The following NRG3 variants were observed in gnomAD, a reference collection of about 807,000 sequenced individuals.
NRG3 encodes the protein pro-neuregulin-3, membrane-bound isoform.
In NRG3, 31 loss-of-function variants were observed where a neutral mutation model predicts 66.9. The ratio of observed to expected loss-of-function variants is 0.46; its 90% CI spans 0.35 to 0.63. The LOEUF is 0.63. Among genes scored for constraint, NRG3 ranks in the 20% least tolerant of loss-of-function variants. NRG3 has a pLI of 0.00. For synonymous variants in NRG3, 393 were observed against 359.4 expected, an observed-to-expected ratio of 1.09 and a Z score of -1.06; for missense variants, 910 against 878.9, an observed-to-expected ratio of 1.04 and a Z score of -0.45.
chr10:82,493,535 G>C (rs1244223869), intron 2 of NRG3, among the ~76,000 whole-genome samples: 1 of 152,122 alleles, frequency 6.6e-6, no homozygotes, highest in Admixed American at 6.5e-5. Flanking sequence ...TATCACTGAT[G>C]GACATTTGGG....
intron 3 of NRG3, among the ~76,000 whole-genome samples, chr10:82,819,750 G>C (rs2061864786): frequency 6.6e-6 from 1 of 152,176 alleles, no homozygotes; most frequent in Non-Finnish European, 1.5e-5. Context: ...TCCATAAGAA[G>C]GAGAAGGTTA....
chr10:82,453,634 T>C (rs900027792), intron 2 of NRG3, among the ~76,000 whole-genome samples: 2 of 150,324 alleles, frequency 1.3e-5, no homozygotes, highest in African/African-American at 4.9e-5. Context: ...ACTATGAGAA[T>C]AGATATAGGG....
intron 6 of NRG3, among the ~76,000 whole-genome samples, chr10:82,973,148 G>A (rs1851923308): frequency 6.6e-6 from 1 of 152,054 alleles, no homozygotes; most frequent in African/African-American, 2.4e-5. Flanking sequence ...TTTCTTTTGG[G>A]GTAAAATTTT....
In NRG3 at chr10:82,532,509, C is replaced by A. The variant is rs141369368; in HGVS notation, c.953+173641C>A. ...TCTCTATATATAGTACTATATACAT[C>A]TATATGTATATAGTACTATACATAT... On this transcript the variant is annotated intron_variant, in intron 2 of 8. Transcript: ENST00000372141. Among the ~76,000 whole-genome samples, 943 of 145,908 alleles carry A rather than the reference C, an allele frequency of 6.5e-3. 9 individuals are homozygous for A. Among genetic ancestry groups the A allele is most frequent in the African/African-American group, 0.022 (879 of 40,036 alleles).
chr10:82,428,429 AT>A (rs904289229), intron 2 of NRG3, among the ~76,000 whole-genome samples: 1 of 150,688 alleles, frequency 6.6e-6, no homozygotes, highest in Non-Finnish European at 1.5e-5. Context: ...CCCCTTGTGA[AT>A]TTTTTTCCTT....
intron 3 of NRG3, among the ~76,000 whole-genome samples, chr10:82,767,305 C>T (rs968724258): frequency 2.0e-5 from 3 of 151,938 alleles, no homozygotes; most frequent in Admixed American, 6.6e-5. Flanking sequence ...GCCTGGGTTG[C>T]GTACTTCATT....
intron 1 of NRG3, among the ~76,000 whole-genome samples, chr10:81,881,655 C>G (rs756390204): frequency 1.3e-5 from 2 of 151,928 alleles, no homozygotes; most frequent in Non-Finnish European, 1.5e-5. Context: ...TGGTTGACTC[C>G]GAAAGTTTGT....
At chr10:82,182,064 C>T (rs2073457648) in intron 1 of NRG3, among the ~76,000 whole-genome samples, 1 of 151,256 alleles carries the variant, frequency 6.6e-6, no homozygotes, top group Non-Finnish European at 1.5e-5. Context: ...TAAGTATGGC[C>T]ATCCTGCTCT....
intron 2 of NRG3, among the ~76,000 whole-genome samples, chr10:82,727,765 T>C (rs1343889719): frequency 6.6e-6 from 1 of 152,070 alleles, no homozygotes; most frequent in Non-Finnish European, 1.5e-5. Context: ...ACCAATTGCT[T>C]GCACTGTGCA....
At chr10:82,188,342 A>C (rs2073932799) in intron 1 of NRG3, among the ~76,000 whole-genome samples, 2 of 152,186 alleles carry the variant, frequency 1.3e-5, no homozygotes, top group South Asian at 4.1e-4. Flanking sequence ...TAAGACCTCA[A>C]ACTATGAAAG....
chr10:82,212,983 A>G (rs1008496492), intron 1 of NRG3, among the ~76,000 whole-genome samples: 3 of 152,146 alleles, frequency 2.0e-5, no homozygotes, highest in Non-Finnish European at 4.4e-5. Context: ...GTGGATTTCT[A>G]TGGTCTTTAT....
At chr10:82,664,022 G>A (rs772019801) in intron 2 of NRG3, among the ~76,000 whole-genome samples, 7 of 152,130 alleles carry the variant, frequency 4.6e-5, no homozygotes, top group Admixed American at 1.3e-4. Flanking sequence ...TCTACTCTTT[G>A]GGGAGGCTTT....
chr10:82,852,772 G>A (rs1357055017), intron 3 of NRG3, among the ~76,000 whole-genome samples: 2 of 152,162 alleles, frequency 1.3e-5, no homozygotes, highest in South Asian at 2.1e-4. Context: ...TCACACTAAC[G>A]GGGTGCCGAG....
intron 2 of NRG3, among the ~76,000 whole-genome samples, chr10:82,714,934 G>T (rs2056886928): frequency 6.6e-6 from 1 of 152,044 alleles, no homozygotes; most frequent in South Asian, 2.1e-4. Flanking sequence ...ACACAAAAAT[G>T]AAAAATAAAA....
chr10:81,988,931 G>A (rs1272598565), intron 1 of NRG3, among the ~76,000 whole-genome samples: 2 of 152,000 alleles, frequency 1.3e-5, no homozygotes, highest in Admixed American at 6.6e-5. Context: ...GAAAGGCTGG[G>A]TAGAAGAACA....
intron 1 of NRG3, among the ~76,000 whole-genome samples, chr10:82,030,960 A>C (rs2062544049): frequency 6.6e-6 from 1 of 152,116 alleles, no homozygotes; most frequent in Admixed American, 6.6e-5. Flanking sequence ...GGAATTTAGA[A>C]AACCTCCCAA....
At chr10:81,905,368 T>C (rs1335296590) in intron 1 of NRG3, among the ~76,000 whole-genome samples, 3 of 152,182 alleles carry the variant, frequency 2.0e-5, no homozygotes, top group Admixed American at 2.0e-4. Context: ...CTGCAAAGCC[T>C]CTGGCTACCT....
chr10:82,876,914 T>C (rs778669053), intron 4 of NRG3, among the ~76,000 whole-genome samples: 43 of 151,840 alleles, frequency 2.8e-4, no homozygotes, highest in Non-Finnish European at 4.9e-4. Flanking sequence ...TCCCAGCTAC[T>C]TGGGAGGCTG....
At chr10:81,991,105 C>T (rs2060722164) in intron 1 of NRG3, among the ~76,000 whole-genome samples, 1 of 151,968 alleles carries the variant, frequency 6.6e-6, no homozygotes, top group Non-Finnish European at 1.5e-5. Flanking sequence ...AACCTATGTC[C>T]ATAGAACCAG....
Sources: gnomAD v4.1 joint callset for allele counts (sites outside exome capture counted in the v4.1 genomes callset) on GRCh38, gnomAD v4.1.1 for gene constraint, MANE v1.5 for transcripts, NCBI Gene and HGNC (gene_info 2026-07-23, HGNC 2026-07-21) for gene names.